The following ASTN1 variants were observed in gnomAD, a reference collection of about 807,000 sequenced individuals.
ASTN1 encodes astrotactin-1.
ASTN1 carries 41 observed loss-of-function variants against 140.7 expected under a neutral mutation model. The ratio of observed to expected loss-of-function variants is 0.29; its 90% CI spans 0.23 to 0.38. The LOEUF (loss-of-function observed/expected upper bound fraction) is 0.38, where lower values mean the gene tolerates loss of function less well. Ranked by LOEUF, ASTN1 falls within the 10% of genes least tolerant of loss-of-function variation. The pLI is 1.00. For missense variants in ASTN1, 1,479 were observed against 1,678.8 expected (o/e 0.88, Z 2.08); for synonymous variants, 640 against 652.2 (o/e 0.98, Z 0.29).
intron 8 of ASTN1, among the ~76,000 whole-genome samples, chr1:176,972,555 C>T (rs779089646): frequency 3.9e-5 from 6 of 152,024 alleles, no homozygotes; most frequent in Non-Finnish European, 7.4e-5. Flanking sequence ...CCAAAATGCA[C>T]TGGTGCAATT....
At chr1:177,160,410 T>C (rs1156679948) in intron 1 of ASTN1, among the ~76,000 whole-genome samples, 2 of 152,228 alleles carry the variant, frequency 1.3e-5, no homozygotes, top group Admixed American at 6.5e-5. Flanking sequence ...TGCAGGCTGA[T>C]TGATTTATCT....
intron 21 of ASTN1, among the ~76,000 whole-genome samples, chr1:176,874,026 C>T (rs545550080): frequency 1.3e-5 from 2 of 152,280 alleles, no homozygotes; most frequent in African/African-American, 4.8e-5. Context: ...CCTCCACCTG[C>T]TAATCACCTC....
chr1:177,133,800 A>C (rs1160216564), intron 1 of ASTN1, among the ~76,000 whole-genome samples: 1 of 152,204 alleles, frequency 6.6e-6, no homozygotes, highest in Non-Finnish European at 1.5e-5. Context: ...GAAGATAACT[A>C]ATTTTCTATA....
chr1:176,954,184 G>A (rs1470107324), intron 11 of ASTN1, among the ~76,000 whole-genome samples: 3 of 152,058 alleles, frequency 2.0e-5, no homozygotes, highest in South Asian at 2.1e-4. Flanking sequence ...TGGCAAAAGC[G>A]ACTTTGCAGA....
At chr1:177,122,756 A>G (rs1681464930) in intron 1 of ASTN1, among the ~76,000 whole-genome samples, 2 of 152,146 alleles carry the variant, frequency 1.3e-5, no homozygotes, top group African/African-American at 4.8e-5. Flanking sequence ...CCTGCAAGAG[A>G]GGTGACAGGA....
chr1:177,074,829 A>G (rs1187657137), intron 1 of ASTN1, among the ~76,000 whole-genome samples: 1 of 152,192 alleles, frequency 6.6e-6, no homozygotes, highest in Non-Finnish European at 1.5e-5. Flanking sequence ...CAATTTCAAG[A>G]GGTAACATGC....
In ASTN1 at chr1:176,861,716, T is replaced by G. The variant is rs879926340; in HGVS notation, c.*2568A>C. On this transcript the variant is annotated 3_prime_UTR_variant, in exon 23 of 23. Coordinates refer to ENST00000361833, the MANE Select transcript of ASTN1 (RefSeq NM_004319.3). ...TGTGTGTGTACATACATACACACAT[T>G]CAGTGGGGAGAACTCAACGAGAAAC... 4.1e-6 allele frequency: 4 copies of G among 985,196 alleles called. No homozygotes were observed. The African/African-American group carries it at 5.2e-5, about 13-fold the overall frequency. 61.0% of individuals were successfully genotyped at this position (985,196 alleles called of 1,614,324 possible).
intron 1 of ASTN1, among the ~76,000 whole-genome samples, chr1:177,106,814 A>G (rs17314157): frequency 0.072 from 10,930 of 152,262 alleles, 474 homozygotes; most frequent in Middle Eastern, 0.17. Context: ...CTTATAAGAC[A>G]CCATTCTCAG....
chr1:176,857,557 T>TG, downstream of ASTN1: 1 of 518,796 alleles, frequency 1.9e-6, no homozygotes, highest in South Asian at 3.2e-5. Context: ...AGATGCCATC[T>TG]GAGGCAGGGA....
At chr1:177,128,284 TTTC>T (rs1217902479) in intron 1 of ASTN1, among the ~76,000 whole-genome samples, 2 of 152,202 alleles carry the variant, frequency 1.3e-5, no homozygotes, top group Non-Finnish European at 2.9e-5. Context: ...CACCCCAAAT[TTTC>T]TTATTATGCA....
chr1:177,095,369 G>A (rs1571775300), intron 1 of ASTN1, among the ~76,000 whole-genome samples: 1 of 152,164 alleles, frequency 6.6e-6, no homozygotes, highest in East Asian at 1.9e-4. Context: ...TATTTGTTGA[G>A]ATAATGGAAG....
rs560958643 is a variant in ASTN1, at chr1:176,882,968, T to C, written c.3253A>G (p.Ile1085Val). Residue 1085 changes from isoleucine to valine, a missense_variant, in exon 20 of 23, where the codon ATC (isoleucine) becomes GTC (valine). Transcript: ENST00000361833. The part of the protein sequence containing the change: ...TETVLSFVDD[I>V]ISGAKSPCAM... The stretch of plus-strand genomic sequence containing the variant: ...CAAGGAGACTTTGCTCCAGAGATGA[T>C]GTCGTCCACAAAGCTCAGCACTGTT... 1 of 1,614,136 alleles carries C rather than the reference T, an allele frequency of 6.2e-7. No individual in the cohort carries two copies. The highest frequency in any genetic ancestry group is 1.3e-5 in the African/African-American group (1 of 75,024).
chr1:176,903,977 T>C (rs1027202376), intron 16 of ASTN1, among the ~76,000 whole-genome samples: 2 of 152,224 alleles, frequency 1.3e-5, no homozygotes, highest in African/African-American at 4.8e-5. Context: ...GGCTTTCTTT[T>C]CTGTGTGTCT....
At chr1:176,980,614 A>C (rs536440349) in intron 8 of ASTN1, among the ~76,000 whole-genome samples, 1 of 152,234 alleles carries the variant, frequency 6.6e-6, no homozygotes, top group East Asian at 1.9e-4. Flanking sequence ...GGAGGAAATG[A>C]AGCCAGAAAT....
chr1:176,979,372 G>C (rs1056971118), intron 8 of ASTN1, among the ~76,000 whole-genome samples: 2 of 152,240 alleles, frequency 1.3e-5, no homozygotes, highest in East Asian at 3.9e-4. Flanking sequence ...GGCCATCCAG[G>C]GTGCCCTAGG....
chr1:177,093,473 TA>T (rs925979420), intron 1 of ASTN1, among the ~76,000 whole-genome samples: 2 of 151,972 alleles, frequency 1.3e-5, no homozygotes, highest in African/African-American at 4.8e-5. Context: ...TTTACCAACC[TA>T]AAAAAAATTG....
intron 1 of ASTN1, among the ~76,000 whole-genome samples, chr1:177,161,659 A>G (rs1048075764): frequency 3.3e-5 from 5 of 152,242 alleles, no homozygotes; most frequent in African/African-American, 9.6e-5. Flanking sequence ...GTTGGCTGCA[A>G]TCAGAATGAG....
chr1:177,104,765 G>A (rs905058449), intron 1 of ASTN1, among the ~76,000 whole-genome samples: 2 of 152,158 alleles, frequency 1.3e-5, no homozygotes, highest in African/African-American at 4.8e-5. Context: ...TCTCAGCTCC[G>A]ACACCAGCTG....
At chr1:177,096,229 T>C (rs185386791) in intron 1 of ASTN1, among the ~76,000 whole-genome samples, 13 of 152,292 alleles carry the variant, frequency 8.5e-5, no homozygotes, top group Admixed American at 7.8e-4. Flanking sequence ...CTCACCTATA[T>C]CTGATTTAGA....
Sources: allele counts gnomAD v4.1 joint callset (sites outside exome capture counted in the v4.1 genomes callset), GRCh38; gene constraint gnomAD v4.1.1; transcripts MANE v1.5; gene names NCBI Gene and HGNC (gene_info 2026-07-23, HGNC 2026-07-21).